The following LRBA variants were observed in gnomAD, a reference collection of about 807,000 sequenced individuals.
The protein encoded by LRBA is LPS responsive beige-like anchor protein.
In LRBA, 176 loss-of-function variants were observed where a neutral mutation model predicts 330.0. That is an observed-to-expected ratio of 0.53 (90% CI 0.47 to 0.60). The LOEUF (loss-of-function observed/expected upper bound fraction) is 0.60, where lower values mean the gene tolerates loss of function less well. LRBA is among the 20% of genes least tolerant of loss of function. The pLI is 0.00. For synonymous variants in LRBA, 1,230 were observed against 1,193.0 expected (o/e 1.03, Z -0.64); for missense variants, 3,259 against 3,444.8 (o/e 0.95, Z 1.35).
intron 1 of LRBA, 100 bp downstream of exon 1, chr4:151,015,100 TCA>T (rs1014550295): frequency 8.9e-5 from 14 of 156,492 alleles, no homozygotes; most frequent in African/African-American, 3.4e-4. Context: ...TAACCTCTCC[TCA>T]CAGGTGCACT....
chr4:150,638,593 C>T (rs1006732352), intron 37 of LRBA, among the ~76,000 whole-genome samples: 1 of 151,528 alleles, frequency 6.6e-6, no homozygotes, highest in African/African-American at 2.4e-5. Flanking sequence ...CCAAAAAACA[C>T]ATGAAAAAAT....
chr4:150,337,840 C>G (rs988351552), intron 48 of LRBA, among the ~76,000 whole-genome samples: 1 of 152,122 alleles, frequency 6.6e-6, no homozygotes, highest in Admixed American at 6.6e-5. Context: ...TTACAGACCA[C>G]TCCCCCAACT....
chr4:151,001,687 C>T (rs568241381), intron 2 of LRBA, among the ~76,000 whole-genome samples: 254 of 152,218 alleles, frequency 1.7e-3, no homozygotes, highest in South Asian at 2.1e-3. Context: ...TCTGCCTTTA[C>T]CCATACTATG....
chr4:150,880,296 G>C (rs1445584339), intron 17 of LRBA, among the ~76,000 whole-genome samples: 1 of 152,172 alleles, frequency 6.6e-6, no homozygotes, highest in Admixed American at 6.5e-5. Context: ...GAGGTGGGTG[G>C]ATCACGTGAG....
At chr4:150,828,761 C>T (rs79177004) in intron 29 of LRBA, 140 bp from the exon 30 acceptor site, 155 of 679,408 alleles carry the variant, frequency 2.3e-4, no homozygotes, top group Admixed American at 2.1e-3. Flanking sequence ...AAACTAATTA[C>T]GTATTCTACA....
intron 28 of LRBA, among the ~76,000 whole-genome samples, chr4:150,836,913 C>T (rs1337271981): frequency 6.6e-6 from 1 of 152,172 alleles, no homozygotes; most frequent in Admixed American, 6.6e-5. Context: ...ATCTTTCCTG[C>T]TTTCTCTTGT....
chr4:150,712,493 T>C (rs952804683), intron 36 of LRBA, among the ~76,000 whole-genome samples: 1 of 152,202 alleles, frequency 6.6e-6, no homozygotes, highest in African/African-American at 2.4e-5. Context: ...TCTAAAGGAA[T>C]GCCAATGTCC....
At position 150,852,682 on chromosome 4, in the gene LRBA, G is replaced by A; in HGVS notation, c.3028C>T (p.Gln1010Ter). ...SLESASNIEL[Q>*]TTNTSYEEMK... ...TCTTCATAAGATGTATTAGTAGTTT[G>A]CAGTTCAATATTAGATGCAGATTCT... The change falls in exon 23 of 57, where the codon CAA (glutamine) becomes TAA (stop). Residue 1010 changes from glutamine to a stop codon, truncating the protein, a stop_gained. Coordinates refer to ENST00000651943, the MANE Select transcript of LRBA (RefSeq NM_001364905.1). LOFTEE classifies it high-confidence loss of function. 6.2e-7 allele frequency: 1 copy of A among 1,614,016 alleles called. No individual in the cohort carries two copies. The highest frequency in any genetic ancestry group is 8.5e-7 in the Non-Finnish European group (1 of 1,179,942).
chr4:150,570,349 C>T (rs543647166), intron 40 of LRBA, among the ~76,000 whole-genome samples: 2 of 152,108 alleles, frequency 1.3e-5, no homozygotes, highest in Non-Finnish European at 2.9e-5. Flanking sequence ...CAATCATAAT[C>T]GACAGTTACA....
rs537668636 is a variant in LRBA, at chr4:150,712,490, G to A, written c.5754+22768C>T. The stretch of plus-strand genomic sequence containing the variant: ...TAAAAAACCCTTTAGCTGTCTAAAG[G>A]AATGCCAATGTCCTAATCAAAACAT... On this transcript the variant is annotated intron_variant, in intron 36 of 56. Transcript: ENST00000651943. Among the ~76,000 whole-genome samples, 8 of 152,184 alleles carry A rather than the reference G, an allele frequency of 5.3e-5. No homozygotes were observed. In the South Asian group the frequency reaches 1.7e-3, roughly 32 times the overall value.
Position 150,583,650 on chromosome 4 carries a change from G to A in LRBA, c.6330+4398C>T, listed in dbSNP as rs1185885067. ...GGGTGGCCGAGGTCAAGGCCGAAGG[G>A]TTCAACTTGCTCTCGAAGGAGTGCT... On this transcript the variant is annotated intron_variant, in intron 40 of 56. Transcript: ENST00000651943. This position sits in a 1 kb window ranked among gnomAD's most constrained non-coding sequence, Gnocchi z 9.8. The A allele has an allele frequency of 1.2e-6, 2 of 1,614,026 alleles. No homozygotes were observed. The highest frequency in any genetic ancestry group is 2.2e-5 in the East Asian group (1 of 44,846).
intron 40 of LRBA, among the ~76,000 whole-genome samples, chr4:150,555,705 C>T (rs868316115): frequency 4.6e-5 from 7 of 151,330 alleles, no homozygotes; most frequent in African/African-American, 1.7e-4. Context: ...GAGCCAAGAT[C>T]GCACCACTGC....
At position 150,671,000 on chromosome 4, in the gene LRBA, ATGTGTG is replaced by A. The variant is rs57937053; in HGVS notation, c.5921+12545_5921+12550del. Among the ~76,000 whole-genome samples the A allele has an allele frequency of 5.7e-3, 612 of 106,892 alleles. 4 individuals carry two copies. Among genetic ancestry groups the A allele is most frequent in the African/African-American group, 0.02 (514 of 25,968 alleles). 70.1% of individuals were successfully genotyped at this position (106,892 alleles called of 152,430 possible). A position where few individuals can be genotyped will look rare whatever the true frequency, so the allele number is the denominator to read the frequency against. ...TTCACTTTGTCCCACAACATAGCTG[ATGTGTG>A]TGTGTGTGTGTGTGTGTGTGTGTGT... is the stretch of plus-strand genomic sequence containing the variant. On this transcript the variant is annotated intron_variant, in intron 37 of 56. Coordinates refer to ENST00000651943, the MANE Select transcript of LRBA (RefSeq NM_001364905.1).
chr4:150,357,697 G>A (rs951688613), intron 47 of LRBA, among the ~76,000 whole-genome samples: 5 of 150,434 alleles, frequency 3.3e-5, no homozygotes, highest in Non-Finnish European at 7.4e-5. Flanking sequence ...AAAAATGGAT[G>A]GGGAAAAATT....
Position 150,915,605 on chromosome 4 carries a change from T to C in LRBA, c.1014+3A>G. On this transcript the variant is annotated splice_donor_region_variant and intron_variant, in intron 8 of 56. Transcript: ENST00000651943. ...TTCATTGCAACATTTTGAAACTACT[T>C]ACATCGCTAGTGTTGACAAACCATG... The C allele has an allele frequency of 6.2e-7, 1 of 1,602,682 alleles. No individual in the cohort carries two copies. The highest frequency in any genetic ancestry group is 8.5e-7 in the Non-Finnish European group (1 of 1,176,720).
chr4:150,640,099 G>A (rs967947118), intron 37 of LRBA, among the ~76,000 whole-genome samples: 2 of 150,984 alleles, frequency 1.3e-5, no homozygotes, highest in South Asian at 2.1e-4. Context: ...CTAGGCAATC[G>A]ACCCGCCTTG....
At chr4:150,818,565 CGT>C (rs1342691363) in intron 30 of LRBA, among the ~76,000 whole-genome samples, 2 of 144,026 alleles carry the variant, frequency 1.4e-5, no homozygotes, top group Non-Finnish European at 3.0e-5. Flanking sequence ...TGTGTGTGTG[CGT>C]GCACGAATGT....
At chr4:150,637,759 G>A (rs951904300) in intron 37 of LRBA, among the ~76,000 whole-genome samples, 6 of 152,208 alleles carry the variant, frequency 3.9e-5, no homozygotes, top group South Asian at 4.2e-4. Flanking sequence ...CCCAGCCTGC[G>A]GACACCTTGA....
chr4:150,344,204 C>A (rs1001016467), intron 48 of LRBA, among the ~76,000 whole-genome samples: 30 of 152,104 alleles, frequency 2.0e-4, no homozygotes, highest in African/African-American at 5.6e-4. Flanking sequence ...ATAAAGATTT[C>A]TTTTTGTGGT....
Sources: allele counts gnomAD v4.1 joint callset (sites outside exome capture counted in the v4.1 genomes callset), GRCh38; gene constraint gnomAD v4.1.1; non-coding constraint Gnocchi (gnomAD v3.1); transcripts MANE v1.5; gene names NCBI Gene and HGNC (gene_info 2026-07-23, HGNC 2026-07-21).